Variants in ASAP1 observed in about 807,000 individuals in gnomAD.
The protein encoded by ASAP1 is arf-GAP with SH3 domain, ANK repeat and PH domain-containing protein 1.
In ASAP1, 43 loss-of-function variants were observed where a neutral mutation model predicts 145.2. The observed-to-expected ratio is 0.30, with a 90% CI of 0.23 to 0.38. The LOEUF is 0.38. Ranked by LOEUF, ASAP1 falls within the 10% of genes least tolerant of loss-of-function variation. The pLI is 1.00. For synonymous variants in ASAP1, 546 were observed against 515.5 expected, an observed-to-expected ratio of 1.06 and a Z score of -0.80; for missense variants, 1,018 against 1,355.3, an observed-to-expected ratio of 0.75 and a Z score of 3.91.
intron 3 of ASAP1, among the ~76,000 whole-genome samples, chr8:130,318,676 C>T (rs960506866): frequency 9.9e-5 from 15 of 152,208 alleles, no homozygotes; most frequent in African/African-American, 3.6e-4. Flanking sequence ...TTATCACCTC[C>T]TTTTACAGTT....
intron 13 of ASAP1, among the ~76,000 whole-genome samples, chr8:130,143,403 A>T (rs2097617509): frequency 1.4e-5 from 2 of 141,354 alleles, no homozygotes; most frequent in South Asian, 5.2e-4. Flanking sequence ...TGTGTGTGTG[A>T]GATGTCTGTT....
intron 1 of ASAP1, among the ~76,000 whole-genome samples, chr8:130,403,550 TTTTC>T (rs1369889439): frequency 1.6e-5 from 2 of 128,230 alleles, no homozygotes; most frequent in African/African-American, 7.0e-5. Context: ...TTCTTTTTCT[TTTTC>T]TTTTTTTTTT....
intron 1 of ASAP1, among the ~76,000 whole-genome samples, chr8:130,428,695 CCAT>C (rs1051276037): frequency 1.4e-4 from 21 of 150,060 alleles, no homozygotes; most frequent in South Asian, 4.3e-4. Context: ...AGAACTACCA[CCAT>C]CATCATCACT....
At chr8:130,214,725 A>T (rs748167895) in intron 4 of ASAP1, 24 bp from the exon 5 acceptor site, 8 of 1,560,110 alleles carry the variant, frequency 5.1e-6, no homozygotes, top group Non-Finnish European at 6.9e-6. Flanking sequence ...AGAAGAAGAA[A>T]GGAGTCTGAA....
chr8:130,176,274 A>AAAAAC (rs1472292794), intron 9 of ASAP1, among the ~76,000 whole-genome samples: 1 of 152,228 alleles, frequency 6.6e-6, no homozygotes, highest in Non-Finnish European at 1.5e-5. Flanking sequence ...AATAAATCTT[A>AAAAAC]AAAACAAAAC....
chr8:130,334,784 GA>G (rs926059100), intron 3 of ASAP1, among the ~76,000 whole-genome samples: 2 of 152,112 alleles, frequency 1.3e-5, no homozygotes, highest in African/African-American at 4.8e-5. Flanking sequence ...TCAGACTCTG[GA>G]AAAACTGGGC....
intron 27 of ASAP1, among the ~76,000 whole-genome samples, chr8:130,074,496 G>C (rs1025343368): frequency 6.8e-6 from 1 of 147,814 alleles, no homozygotes; most frequent in Non-Finnish European, 1.5e-5. Flanking sequence ...CAGAGAGAAC[G>C]AGAGTAGAGC....
intron 3 of ASAP1, among the ~76,000 whole-genome samples, chr8:130,327,628 A>C (rs988453435): frequency 2.0e-5 from 3 of 152,262 alleles, no homozygotes; most frequent in Admixed American, 2.0e-4. Context: ...CAGCAGTGGA[A>C]TAGCTGCTAA....
chr8:130,316,784 A>G (rs1168637535), intron 3 of ASAP1, among the ~76,000 whole-genome samples: 1 of 152,248 alleles, frequency 6.6e-6, no homozygotes, highest in Admixed American at 6.5e-5. Flanking sequence ...TTCCTTTTAG[A>G]GGAGAGAGAA....
chr8:130,310,123 T>C lies in ASAP1; in HGVS notation c.186+47894A>G, dbSNP rs560019732. On this transcript the variant is annotated intron_variant, in intron 3 of 29. Coordinates refer to ENST00000518721, the MANE Select transcript of ASAP1 (RefSeq NM_018482.4). ...AGCTTCCTCATCTACAAAATGGGGCTAATACAGTTTTTTTTGGGGGGGGGA... is the reference window on the plus strand; with the variant it reads ...AGCTTCCTCATCTACAAAATGGGGCCAATACAGTTTTTTTTGGGGGGGGGA... 2.4e-3 allele frequency among the ~76,000 whole-genome samples: 243 copies of C among 103,214 alleles called. 4 individuals carry two copies. Among genetic ancestry groups the C allele is most frequent in the Non-Finnish European group, 2.6e-3 (147 of 57,058 alleles). The allele number at this position is 103,214 out of a possible 152,430, so 67.7% of individuals were successfully genotyped here. A position where few individuals can be genotyped will look rare whatever the true frequency, so the allele number is the denominator to read the frequency against.
chr8:130,256,751 A>ATATATATATATATCCT (rs1819557149), intron 3 of ASAP1, among the ~76,000 whole-genome samples: 1 of 40,796 alleles, frequency 2.5e-5, no homozygotes, highest in African/African-American at 8.7e-5. Flanking sequence ...ATATATATAT[A>ATATATATATATATCCT]TATATATATA....
rs575838219 is a variant in ASAP1, at chr8:130,244,669, C to G, written c.187-7675G>C. ...AACATAGCCTGTCTGTATGGCACAC[C>G]TTTGGAAGAGCAAAGTTAAGTTTCA... On this transcript the variant is annotated intron_variant, in intron 3 of 29. Coordinates refer to ENST00000518721, the MANE Select transcript of ASAP1 (RefSeq NM_018482.4). Among the ~76,000 whole-genome samples the G allele has an allele frequency of 2.6e-5, 4 of 152,224 alleles. No individual in the cohort carries two copies. The East Asian group carries it at 7.7e-4, about 29-fold the overall frequency.
chr8:130,179,473 C>T (rs1283571244), intron 8 of ASAP1, 124 bp from the exon 9 acceptor site: 3 of 580,124 alleles, frequency 5.2e-6, no homozygotes, highest in African/African-American at 1.9e-5. Context: ...GTCCTTTAGA[C>T]AGTTTAGAGA....
At chr8:130,435,322 C>T (rs1830276010) in intron 1 of ASAP1, among the ~76,000 whole-genome samples, 1 of 152,230 alleles carries the variant, frequency 6.6e-6, no homozygotes, top group Non-Finnish European at 1.5e-5. Flanking sequence ...CATGCGTATT[C>T]TTCAAGCACA....
chr8:130,127,812 G>T, intron 16 of ASAP1, 115 bp downstream of exon 16: 1 of 1,132,732 alleles, frequency 8.8e-7, no homozygotes, highest in Non-Finnish European at 1.2e-6. Flanking sequence ...CGTGTTTTGT[G>T]TGTGTATGTG....
intron 3 of ASAP1, among the ~76,000 whole-genome samples, chr8:130,262,696 C>T (rs759822402): frequency 6.6e-6 from 1 of 152,102 alleles, no homozygotes; most frequent in Non-Finnish European, 1.5e-5. Flanking sequence ...ATAAAATAGG[C>T]TCCATTGAAA....
chr8:130,432,707 C>A (rs546325307), intron 1 of ASAP1, among the ~76,000 whole-genome samples: 1 of 152,214 alleles, frequency 6.6e-6, no homozygotes, highest in South Asian at 2.1e-4. Context: ...AACCCCAGTA[C>A]GTCCCACAAA....
chr8:130,375,367 G>A (rs1827434782), intron 2 of ASAP1, among the ~76,000 whole-genome samples: 1 of 151,918 alleles, frequency 6.6e-6, no homozygotes, highest in African/African-American at 2.4e-5. Flanking sequence ...ATGGTTAGGG[G>A]TGGGGGAGCA....
chr8:130,292,226 A>C (rs1465128664), intron 3 of ASAP1, among the ~76,000 whole-genome samples: 3 of 152,374 alleles, frequency 2.0e-5, no homozygotes, highest in African/African-American at 7.2e-5. Flanking sequence ...ACATGTATGA[A>C]GGACCAACAC....
Sources: allele counts gnomAD v4.1 joint callset (sites outside exome capture counted in the v4.1 genomes callset), GRCh38; gene constraint gnomAD v4.1.1; transcripts MANE v1.5; gene names NCBI Gene and HGNC (gene_info 2026-07-23, HGNC 2026-07-21).